Variants in MDGA2 observed in about 807,000 individuals in gnomAD.
MDGA2 encodes MAM domain containing glycosylphosphatidylinositol anchor 2.
Under a neutral mutation model 117.8 loss-of-function variants are expected in MDGA2, and 40 were observed. The observed-to-expected ratio is 0.34, with a 90% confidence interval of 0.26 to 0.44. MDGA2 has a LOEUF of 0.44. Among genes scored for constraint, MDGA2 ranks in the 20% least tolerant of loss-of-function variants. The pLI, the probability that MDGA2 is intolerant of heterozygous loss-of-function variation, is 1.00. For synonymous variants in MDGA2, 452 were observed against 439.0 expected (o/e 1.03, Z -0.37); for missense variants, 1,123 against 1,250.6 (o/e 0.90, Z 1.54).
intron 5 of MDGA2, among the ~76,000 whole-genome samples, chr14:47,119,785 G>T (rs938049206): frequency 6.6e-6 from 1 of 151,874 alleles, no homozygotes; most frequent in African/African-American, 2.4e-5. Flanking sequence ...TTTGTATATT[G>T]AATACCAGAT....
At chr14:47,115,918 G>C (rs547262736) in intron 5 of MDGA2, among the ~76,000 whole-genome samples, 1 of 152,128 alleles carries the variant, frequency 6.6e-6, no homozygotes, top group South Asian at 2.1e-4. Flanking sequence ...ACACAGTAGT[G>C]TTAGTCCCAG....
intron 8 of MDGA2, among the ~76,000 whole-genome samples, chr14:46,992,311 T>G (rs1232366153): frequency 6.6e-6 from 1 of 152,184 alleles, no homozygotes; most frequent in East Asian, 1.9e-4. Context: ...ATCTATATTT[T>G]TATTCAAAAG....
chr14:47,660,659 C>T (rs1192070848), intron 1 of MDGA2, among the ~76,000 whole-genome samples: 3 of 152,196 alleles, frequency 2.0e-5, no homozygotes, highest in Non-Finnish European at 4.4e-5. Context: ...CAACAAAAAT[C>T]AGGCCAAATA....
At chr14:46,858,428 C>CTT (rs71112466) in intron 14 of MDGA2, among the ~76,000 whole-genome samples, 43 of 123,830 alleles carry the variant, frequency 3.5e-4, no homozygotes, top group Non-Finnish European at 5.1e-4. Context: ...TTCTTTTTTT[C>CTT]TTTTTTTTTT....
At chr14:47,490,082 T>C (rs1046468743) in intron 1 of MDGA2, among the ~76,000 whole-genome samples, 13 of 152,102 alleles carry the variant, frequency 8.5e-5, no homozygotes, top group African/African-American at 3.1e-4. Flanking sequence ...TGAGATATAG[T>C]GTGTCAGCAG....
intron 1 of MDGA2, among the ~76,000 whole-genome samples, chr14:47,486,320 A>C (rs1464658525): frequency 6.6e-6 from 1 of 152,180 alleles, no homozygotes; most frequent in African/African-American, 2.4e-5. Context: ...TGTATTGGCA[A>C]ATTTCTCCCA....
At chr14:47,603,455 T>C (rs2138884311) in intron 1 of MDGA2, among the ~76,000 whole-genome samples, 1 of 152,322 alleles carries the variant, frequency 6.6e-6, no homozygotes, top group East Asian at 1.9e-4. Context: ...GGGTCATATT[T>C]GATATCACAC....
rs1555379802 is a variant in MDGA2 at position 47,402,332 on chromosome 14, C to CAG, written c.281-100783_281-100782insCT. On this transcript the variant is annotated intron_variant, in intron 1 of 16. Coordinates refer to ENST00000399232, the MANE Select transcript of MDGA2 (RefSeq NM_001113498.3). ...ATGCTAGGGTAGAAACCCCAGAAAC[C>CAG]CCCGCCCCCCCACCCCGCAAAAAAA... Among the ~76,000 whole-genome samples the CAG allele has an allele frequency of 8.0e-5, 10 of 124,676 alleles. 1 individual carries two copies. The East Asian group carries it at 2.5e-3, about 31-fold the overall frequency. 81.8% of individuals were successfully genotyped at this position (124,676 alleles called of 152,430 possible).
At chr14:47,620,884 A>G (rs1484387617) in intron 1 of MDGA2, among the ~76,000 whole-genome samples, 1 of 152,202 alleles carries the variant, frequency 6.6e-6, no homozygotes, top group Non-Finnish European at 1.5e-5. Context: ...AAGACAAGGT[A>G]AAGCATGAGT....
chr14:47,186,820 T>A (rs1392874629), intron 3 of MDGA2, among the ~76,000 whole-genome samples: 1 of 151,964 alleles, frequency 6.6e-6, no homozygotes, highest in Non-Finnish European at 1.5e-5. Flanking sequence ...AAGAAATATA[T>A]CTGCTGCATT....
At chr14:47,247,078 G>A (rs1204664205) in intron 2 of MDGA2, among the ~76,000 whole-genome samples, 1 of 151,670 alleles carries the variant, frequency 6.6e-6, no homozygotes, top group Non-Finnish European at 1.5e-5. Flanking sequence ...TAATGTTAAG[G>A]CTATACTTCA....
intron 5 of MDGA2, among the ~76,000 whole-genome samples, chr14:47,128,064 T>C (rs1231688306): frequency 2.6e-5 from 4 of 152,138 alleles, no homozygotes; most frequent in Non-Finnish European, 4.4e-5. Context: ...CTGTGGGACC[T>C]TGGAAAATGA....
At chr14:47,561,163 G>GTTTTTTTT (rs1309865250) in intron 1 of MDGA2, among the ~76,000 whole-genome samples, 4 of 83,878 alleles carry the variant, frequency 4.8e-5, no homozygotes, top group South Asian at 4.6e-4. Flanking sequence ...GTTTTGTTTT[G>GTTTTTTTT]TTTTTTTGTT....
intron 7 of MDGA2, among the ~76,000 whole-genome samples, chr14:47,041,262 A>AT (rs1889057019): frequency 6.6e-6 from 1 of 152,024 alleles, no homozygotes; most frequent in African/African-American, 2.4e-5. Context: ...GTTATGAATT[A>AT]TTTTTTAAAA....
chr14:47,044,383 A>G (rs1024145858), intron 7 of MDGA2, among the ~76,000 whole-genome samples: 3 of 152,184 alleles, frequency 2.0e-5, no homozygotes, highest in African/African-American at 7.2e-5. Context: ...ACTTGGTAAT[A>G]TTGAGTAATT....
At chr14:47,313,730 T>C (rs1889716546) in intron 1 of MDGA2, among the ~76,000 whole-genome samples, 1 of 152,164 alleles carries the variant, frequency 6.6e-6, no homozygotes, top group Non-Finnish European at 1.5e-5. Context: ...AGTAAAATAA[T>C]GAATTGGTTA....
rs1566530321 is a variant in MDGA2, at chr14:46,929,630, TATATATATATATATATACA to T, written c.2090-9489_2090-9471del. Among the ~76,000 whole-genome samples, 104 of 33,436 alleles carry T rather than the reference TATATATATATATATATACA, an allele frequency of 3.1e-3. 5 individuals carry two copies. Among genetic ancestry groups the T allele is most frequent in the African/African-American group, 3.6e-3 (31 of 8,628 alleles). The allele number at this position is 33,436 out of a possible 152,430, so 21.9% of individuals were successfully genotyped here. A position where few individuals can be genotyped will look rare whatever the true frequency, so the allele number is the denominator to read the frequency against. The stretch of plus-strand genomic sequence containing the variant: ...ATATATATATATATATATATATATA[TATATATATATATATATACA>T]TTTTTTTTTTTTTTTTTTCGAGATG... On this transcript the variant is annotated intron_variant, in intron 9 of 16. Coordinates refer to ENST00000399232, the MANE Select transcript of MDGA2 (RefSeq NM_001113498.3).
chr14:47,130,828 T>C (rs969248734), intron 5 of MDGA2, among the ~76,000 whole-genome samples: 3 of 152,076 alleles, frequency 2.0e-5, no homozygotes, highest in African/African-American at 7.2e-5. Flanking sequence ...GCCCACACTT[T>C]TAGAGATTTT....
chr14:47,110,029 G>A (rs1880951127), intron 5 of MDGA2, among the ~76,000 whole-genome samples: 2 of 152,196 alleles, frequency 1.3e-5, no homozygotes, highest in South Asian at 4.1e-4. Flanking sequence ...AATTTCATGA[G>A]CCATTTATTG....
Sources: gnomAD v4.1 joint callset for allele counts (sites outside exome capture counted in the v4.1 genomes callset) on GRCh38, gnomAD v4.1.1 for gene constraint, MANE v1.5 for transcripts, NCBI Gene and HGNC (gene_info 2026-07-23, HGNC 2026-07-21) for gene names.